The following SNAP25 variants were observed in gnomAD, a reference collection of about 807,000 sequenced individuals.
The protein encoded by SNAP25 is synaptosome associated protein 25.
Under a neutral mutation model 28.7 loss-of-function variants are expected in SNAP25, and 3 were observed. The observed-to-expected ratio is 0.10, with a 90% CI of 0.05 to 0.27. The LOEUF (loss-of-function observed/expected upper bound fraction) is 0.27, where lower values mean the gene tolerates loss of function less well. Ranked by LOEUF, SNAP25 falls within the 10% of genes least tolerant of loss-of-function variation. The probability of loss-of-function intolerance (pLI) is 1.00; values close to 1 mark genes in which losing one functional copy is unlikely to be tolerated. For synonymous variants in SNAP25, 61 were observed against 88.1 expected, an observed-to-expected ratio of 0.69 and a Z score of 1.72; for missense variants, 117 against 278.7, an observed-to-expected ratio of 0.42 and a Z score of 4.13.
chr20:10,250,663 C>T (rs1311178180), intron 1 of SNAP25, among the ~76,000 whole-genome samples: 1 of 152,082 alleles, frequency 6.6e-6, no homozygotes, highest in Admixed American at 6.5e-5. Context: ...ATATATATTG[C>T]CTTAAATAGT....
chr20:10,237,857 G>C (rs972123546), intron 1 of SNAP25, among the ~76,000 whole-genome samples: 1 of 152,148 alleles, frequency 6.6e-6, no homozygotes, highest in Non-Finnish European at 1.5e-5. Context: ...ATTAGGTGAG[G>C]AGTATTTTCT....
At chr20:10,271,281 C>T (rs1461468182) in intron 1 of SNAP25, among the ~76,000 whole-genome samples, 1 of 152,152 alleles carries the variant, frequency 6.6e-6, no homozygotes, top group Non-Finnish European at 1.5e-5. Context: ...AGAATGCTAA[C>T]ATGCATGAGT....
Position 10,275,442 on chromosome 20 carries a change from C to A in SNAP25, c.-50C>A. Reference sequence around the variant, plus strand: ...ACTTCTTCCCAGGTCCAGAGCCAAACCCGTCACTGACCCCCCAGCCCAGGC... The same window carrying A: ...ACTTCTTCCCAGGTCCAGAGCCAAAACCGTCACTGACCCCCCAGCCCAGGC... On this transcript the variant is annotated 5_prime_UTR_variant, in exon 2 of 8. Transcript: ENST00000254976. 1 of 1,538,276 alleles carries A rather than the reference C, an allele frequency of 6.5e-7. No individual in the cohort carries two copies. The highest frequency in any genetic ancestry group is 8.8e-7 in the Non-Finnish European group (1 of 1,131,570).
intron 3 of SNAP25, among the ~76,000 whole-genome samples, chr20:10,283,934 C>T (rs777983524): frequency 6.6e-6 from 1 of 152,118 alleles, no homozygotes; most frequent in Non-Finnish European, 1.5e-5. Context: ...CCAACTCCTG[C>T]CCATGGTTCA....
intron 1 of SNAP25, among the ~76,000 whole-genome samples, chr20:10,225,231 G>A (rs2062713583): frequency 8.5e-6 from 1 of 117,132 alleles, no homozygotes; most frequent in Admixed American, 1.0e-4. Context: ...ATGTCCCGGA[G>A]GGGAAAAAAA....
chr20:10,224,140 G>T (rs902897570), intron 1 of SNAP25, among the ~76,000 whole-genome samples: 1 of 151,070 alleles, frequency 6.6e-6, no homozygotes, highest in Non-Finnish European at 1.5e-5. Context: ...GCAGAGCCAA[G>T]ACTTAAATGT....
intron 7 of SNAP25, among the ~76,000 whole-genome samples, chr20:10,303,359 C>T (rs1568632417): frequency 6.6e-6 from 1 of 152,106 alleles, no homozygotes; most frequent in Non-Finnish European, 1.5e-5. Flanking sequence ...TTTTAAAAGA[C>T]AAGTGTCAAT....
At chr20:10,225,943 C>G (rs1464421670) in intron 1 of SNAP25, among the ~76,000 whole-genome samples, 2 of 152,158 alleles carry the variant, frequency 1.3e-5, no homozygotes, top group African/African-American at 4.8e-5. Context: ...GCCCTACACT[C>G]CTGCCTCATT....
At chr20:10,229,399 G>A (rs1029575330) in intron 1 of SNAP25, among the ~76,000 whole-genome samples, 3 of 151,992 alleles carry the variant, frequency 2.0e-5, no homozygotes, top group African/African-American at 7.3e-5. Context: ...ATTCCTACAT[G>A]CATCATCTCA....
At chr20:10,259,272 A>G (rs1243912228) in intron 1 of SNAP25, among the ~76,000 whole-genome samples, 1 of 152,162 alleles carries the variant, frequency 6.6e-6, no homozygotes, top group African/African-American at 2.4e-5. Context: ...TGTTTCTCTC[A>G]CCTCCATGGA....
intron 1 of SNAP25, among the ~76,000 whole-genome samples, chr20:10,242,016 T>C (rs1436496824): frequency 6.6e-6 from 1 of 152,148 alleles, no homozygotes; most frequent in Non-Finnish European, 1.5e-5. Context: ...CATTCCTTAC[T>C]AGGGGATCCC....
intron 1 of SNAP25, among the ~76,000 whole-genome samples, chr20:10,256,228 C>G (rs1386649039): frequency 6.6e-6 from 1 of 152,100 alleles, no homozygotes; most frequent in Non-Finnish European, 1.5e-5. Flanking sequence ...GTAGTTGAAA[C>G]CTTCATGTGC....
At chr20:10,242,203 G>A (rs912513910) in intron 1 of SNAP25, among the ~76,000 whole-genome samples, 1 of 152,212 alleles carries the variant, frequency 6.6e-6, no homozygotes, top group Non-Finnish European at 1.5e-5. Context: ...ATGTAAGAAA[G>A]TGAGGGGGAA....
intron 4 of SNAP25, 74 bp downstream of exon 4, chr20:10,284,846 G>A (rs537513389): frequency 2.5e-4 from 294 of 1,189,216 alleles, no homozygotes; most frequent in African/African-American, 9.3e-4. Flanking sequence ...TTGTGCATAC[G>A]CAGATGGTCG....
At chr20:10,267,926 G>A (rs6032834) in intron 1 of SNAP25, among the ~76,000 whole-genome samples, 81,432 of 152,060 alleles carry the variant, frequency 0.54, 22,765 homozygotes, top group African/African-American at 0.7. Flanking sequence ...ATGAAAATAT[G>A]TTTTTTAAAT....
chr20:10,296,068 C>T (rs362993), intron 5 of SNAP25, among the ~76,000 whole-genome samples: 9,435 of 152,228 alleles, frequency 0.062, 400 homozygotes, highest in Non-Finnish European at 0.093. Flanking sequence ...GTGCCTTTTT[C>T]GAGAATGGTC....
chr20:10,230,285 C>G (rs746070164), intron 1 of SNAP25, among the ~76,000 whole-genome samples: 5 of 152,158 alleles, frequency 3.3e-5, no homozygotes, highest in Non-Finnish European at 7.4e-5. Context: ...GAGGGAATAT[C>G]ATCCCAACAC....
At chr20:10,264,833 T>A (rs2063479142) in intron 1 of SNAP25, among the ~76,000 whole-genome samples, 1 of 152,072 alleles carries the variant, frequency 6.6e-6, no homozygotes, top group Admixed American at 6.6e-5. Flanking sequence ...CTCCACAGAT[T>A]GCTTTCCATA....
chr20:10,276,519 A>G (rs146865113), intron 2 of SNAP25, among the ~76,000 whole-genome samples: 649 of 152,336 alleles, frequency 4.3e-3, no homozygotes, highest in Non-Finnish European at 6.1e-3. Context: ...ATGATTCTCT[A>G]AGGCAAAGAA....
Sources: gnomAD v4.1 joint callset for allele counts (sites outside exome capture counted in the v4.1 genomes callset) on GRCh38, gnomAD v4.1.1 for gene constraint, MANE v1.5 for transcripts, NCBI Gene and HGNC (gene_info 2026-07-23, HGNC 2026-07-21) for gene names.